MUC5B: variants seen among roughly 807,000 people sequenced by gnomAD.
MUC5B encodes the protein mucin-5B.
MUC5B carries 116 observed loss-of-function variants against 376.9 expected under a neutral mutation model. That is an observed-to-expected ratio of 0.31 (90% CI 0.26 to 0.36). MUC5B has a LOEUF of 0.36. Ranked by LOEUF, MUC5B falls within the 10% of genes least tolerant of loss-of-function variation. The probability of loss-of-function intolerance (pLI) is 1.00; values close to 1 mark genes in which losing one functional copy is unlikely to be tolerated. For missense variants in MUC5B, 7,165 were observed against 7,769.9 expected (o/e 0.92, Z 2.93); for synonymous variants, 3,517 against 3,390.9 (o/e 1.04, Z -1.29).
At chr11:1,260,536 G>C (rs377480751) in intron 47 of MUC5B, 90 bp from the exon 48 acceptor site, 1 of 1,445,126 alleles carries the variant, frequency 6.9e-7, no homozygotes. Flanking sequence ...CCATGGGAGG[G>C]GTGGTCCCAT....
rs762488981 is a variant in MUC5B at position 1,250,095 on chromosome 11, T to G, written c.13215T>G (p.Thr4405=). Reference sequence around the variant, plus strand: ...CAGCAGCCACTACAACTGCAGCCACTGGCCCCACGGCCACCCCGTCCTCCA... The same window carrying G: ...CAGCAGCCACTACAACTGCAGCCACGGGCCCCACGGCCACCCCGTCCTCCA... ...LTTAATTTAA[T]GPTATPSSTP... Residue 4405 remains threonine, a synonymous_variant, in exon 31 of 49, where the codon ACT becomes ACG. Coordinates refer to ENST00000529681, the MANE Select transcript of MUC5B (RefSeq NM_002458.3). 1.3e-6 allele frequency: 2 copies of G among 1,593,138 alleles called. No homozygotes were observed. Among genetic ancestry groups the G allele is most frequent in the Non-Finnish European group, 8.6e-7 (1 of 1,169,166 alleles).
chr11:1,233,696 T>G, intron 18 of MUC5B, 97 bp from the exon 19 acceptor site: 2 of 1,239,578 alleles, frequency 1.6e-6, no homozygotes. Context: ...GTGGCCAGGC[T>G]GGGGAGGCCC....
rs1862893316 is a variant in MUC5B at position 1,258,131 on chromosome 11, C to A, written c.16483C>A (p.Pro5495Thr). The change falls in exon 42 of 49, where the codon CCT becomes ACT. Residue 5495 changes from proline to threonine, a missense_variant. Pro to Thr is a conservative substitution (Grantham distance 38, BLOSUM62 -1). Around this residue, in one of 31 missense-constraint regions of MUC5B, gnomAD observed 842 missense variants for 1,016.9 expected, o/e 0.83. Transcript: ENST00000529681. The surrounding 1 kb of genome is among the most constrained non-coding windows in gnomAD (Gnocchi z 5.5). ...CNTTTCPQSL[P>T]VCPPGQESIC... is the part of the protein sequence containing the mutation. ...CACAACCACCTGCCCCCAGAGCCTG[C>A]CTGTGTGCCCGCCAGGGCAGGAGTC... is the stretch of plus-strand genomic sequence containing the variant. 6.3e-7 allele frequency: 1 copy of A among 1,597,334 alleles called. No homozygotes were observed. Among genetic ancestry groups the A allele is most frequent in the African/African-American group, 1.3e-5 (1 of 74,798 alleles).
chr11:1,257,207 A>C lies in MUC5B; in HGVS notation c.16238-33A>C, dbSNP rs1590192663. 2 of 779,374 alleles carry C rather than the reference A, an allele frequency of 2.6e-6. No homozygotes were observed. The highest frequency in any genetic ancestry group is 2.4e-6 in the Non-Finnish European group (1 of 417,906). 48.3% of individuals were successfully genotyped at this position (779,374 alleles called of 1,614,324 possible). ...AGGCCCCTCCGCCTGCAAACTCAGC[A>C]CCCTCCGTGATGCCATGCTGTTTTC... On this transcript the variant is annotated intron_variant, in intron 39 of 48. Coordinates refer to ENST00000529681, the MANE Select transcript of MUC5B (RefSeq NM_002458.3). This position sits in a 1 kb window ranked among gnomAD's most constrained non-coding sequence, Gnocchi z 8.9.
chr11:1,245,910 C>A lies in MUC5B; in HGVS notation c.9030C>A (p.Ala3010=), dbSNP rs371259202. The A allele has an allele frequency of 1.7e-5, 27 of 1,613,142 alleles. 1 individual carries two copies. The African/African-American group carries it at 3.6e-4, about 22-fold the overall frequency. The change falls in exon 31 of 49, where the codon GCC becomes GCA. Residue 3010 remains alanine, a synonymous_variant. Coordinates refer to ENST00000529681, the MANE Select transcript of MUC5B (RefSeq NM_002458.3). ...CGACCGCAACCACTGGATCCACGGC[C>A]ATCCCGTCCTCCACCCCGGGAACAG... ...ATTTATTGST[A]IPSSTPGTAP... is the part of the protein sequence containing the mutation.
At position 1,249,538 on chromosome 11, in the gene MUC5B, G is replaced by T. The variant is rs1268811181; in HGVS notation, c.12658G>T (p.Val4220Leu). 1 of 1,612,514 alleles carries T rather than the reference G, an allele frequency of 6.2e-7. No individual in the cohort carries two copies. The highest frequency in any genetic ancestry group is 8.5e-7 in the Non-Finnish European group (1 of 1,179,638). ...FKMCFNYEIR[V>L]FCCNYGHCPS... ...GATGTGCTTCAACTATGAAATCCGT[G>T]TGTTCTGCTGCAACTACGGCCACTG... Residue 4220 changes from valine (V) to leucine (L), a missense_variant, in exon 31 of 49, where the codon GTG becomes TTG. Coordinates refer to ENST00000529681, the MANE Select transcript of MUC5B (RefSeq NM_002458.3).
chr11:1,259,207 G>T, intron 44 of MUC5B, 146 bp downstream of exon 44: 2 of 716,088 alleles, frequency 2.8e-6, no homozygotes, highest in Non-Finnish European at 4.4e-6. Flanking sequence ...AGTCCCTGAG[G>T]CACTTGCCCC....
intron 44 of MUC5B, chr11:1,259,427 T>G: frequency 4.1e-6 from 2 of 487,390 alleles, no homozygotes; most frequent in Non-Finnish European, 7.5e-6. Context: ...AGCTCAGCCA[T>G]TGCTGGGGTC....
At position 1,252,451 on chromosome 11, in the gene MUC5B, C is replaced by A; in HGVS notation, c.14972C>A (p.Pro4991Gln). The stretch of plus-strand genomic sequence containing the variant: ...CAGGGCGCCTGTCCCACCTCCCCAC[C>A]GCCAGTGTCCTCCGCCCCGCTGTCC... The part of the protein sequence containing the change: ...RFQGACPTSP[P>Q]PVSSAPLSSP... Residue 4991 changes from proline to glutamine, a missense_variant, in exon 32 of 49, where the codon CCG becomes CAG. Around this residue, in one of 31 missense-constraint regions of MUC5B, gnomAD observed 730 missense variants for 592.7 expected, o/e 1.23. Coordinates refer to ENST00000529681, the MANE Select transcript of MUC5B (RefSeq NM_002458.3). 1 of 1,610,260 alleles carries A rather than the reference C, an allele frequency of 6.2e-7. No homozygotes were observed. The highest frequency in any genetic ancestry group is 1.1e-5 in the South Asian group (1 of 90,718).
In MUC5B at chr11:1,232,694, C is replaced by T. The variant is rs181258480; in HGVS notation, c.1989C>T (p.Cys663=). 702 of 1,598,850 alleles carry T rather than the reference C, an allele frequency of 4.4e-4. 7 individuals carry two copies. The African/African-American group carries it at 8.2e-3, about 19-fold the overall frequency. The change falls in exon 17 of 49, where the codon TGC becomes TGT. Residue 663 remains cysteine, a synonymous_variant. Coordinates refer to ENST00000529681, the MANE Select transcript of MUC5B (RefSeq NM_002458.3). ...GTGAGCGGAGCGAGGACTGCCTGTGCGCCGCGCTGTCCTCCTATGTGCACG... is the reference window on the plus strand; with the variant it reads ...GTGAGCGGAGCGAGGACTGCCTGTGTGCCGCGCTGTCCTCCTATGTGCACG... ...CNCERSEDCL[C]AALSSYVHAC...
intron 10 of MUC5B, 32 bp downstream of exon 10, chr11:1,229,839 G>A (rs1282058054): frequency 3.2e-6 from 5 of 1,562,766 alleles, no homozygotes; most frequent in Non-Finnish European, 4.3e-6. Context: ...TCCGCCTGGG[G>A]TGGGGTGTGG....
Position 1,251,344 on chromosome 11 carries a change from C to G in MUC5B, c.14464C>G (p.Leu4822Val), listed in dbSNP as rs1456697173. ...TLGTTRILTE[L>V]TTTATTTAAT... ...GGGGACGACCCGGATCCTCACTGAG[C>G]TGACCACAACAGCCACTACAACTGC... The change falls in exon 31 of 49, where the codon CTG becomes GTG. Residue 4822 changes from leucine (L) to valine (V), a missense_variant. Physicochemically the swap from Leu to Val is conservative, Grantham distance 32. Transcript: ENST00000529681. 1.9e-6 allele frequency: 3 copies of G among 1,611,042 alleles called. No individual in the cohort carries two copies. Among genetic ancestry groups the G allele is most frequent in the Non-Finnish European group, 2.5e-6 (3 of 1,178,240 alleles).
At chr11:1,226,568 C>T (rs150068245) in intron 3 of MUC5B, 47 bp from the exon 4 acceptor site, 27,140 of 1,571,884 alleles carry the variant, frequency 0.017, 375 homozygotes, top group South Asian at 0.046. Context: ...GAGGCTACCC[C>T]GTGGGGGGCT....
Position 1,231,503 on chromosome 11 carries a change from G to A in MUC5B, c.1621G>A (p.Val541Met). ...GGGGCTGCAGCTGCTGGTGCAGCTG[G>A]TGCCACTCATGCAGGTGTTTGTCAG... ...GLGLQLLVQL[V>M]PLMQVFVRLD... The change falls in exon 14 of 49, where the codon GTG becomes ATG. Residue 541 changes from valine (V) to methionine (M), a missense_variant. By Grantham distance (21) the Val-to-Met change is conservative (BLOSUM62 1). This residue lies in a region of MUC5B where 640 missense variants were observed against 733.0 expected (regional missense o/e 0.87). Coordinates refer to ENST00000529681, the MANE Select transcript of MUC5B (RefSeq NM_002458.3). 1 of 1,606,974 alleles carries A rather than the reference G, an allele frequency of 6.2e-7. No individual in the cohort carries two copies. The highest frequency in any genetic ancestry group is 1.1e-5 in the South Asian group (1 of 90,110).
At position 1,255,404 on chromosome 11, in the gene MUC5B, C is replaced by T; in HGVS notation, c.15912C>T (p.Asn5304=). 6.2e-7 allele frequency: 1 copy of T among 1,602,370 alleles called. No homozygotes were observed. Among genetic ancestry groups the T allele is most frequent in the Non-Finnish European group, 8.5e-7 (1 of 1,174,422 alleles). The change falls in exon 37 of 49, where the codon AAC becomes AAT. Residue 5304 remains asparagine (N), a synonymous_variant. Coordinates refer to ENST00000529681, the MANE Select transcript of MUC5B (RefSeq NM_002458.3). ...MLSQVFAECH[N]LVPPGPFFNA... is the part of the protein sequence containing the mutation. ...ACAGGGTCTTTGCTGAGTGCCACAACCTTGTGCCCCCGGGCCCATTCTTCA... is the reference window on the plus strand; with the variant it reads ...ACAGGGTCTTTGCTGAGTGCCACAATCTTGTGCCCCCGGGCCCATTCTTCA...
Position 1,232,628 on chromosome 11 carries a change from C to T in MUC5B, c.1939-16C>T. 6.2e-7 allele frequency: 1 copy of T among 1,600,462 alleles called. No individual in the cohort carries two copies. On this transcript the variant is annotated splice_polypyrimidine_tract_variant and intron_variant, in intron 16 of 48. Coordinates refer to ENST00000529681, the MANE Select transcript of MUC5B (RefSeq NM_002458.3). Reference sequence around the variant, plus strand: ...GGCTGGGGTCCCTGACGCCCCGATGCCTCCCACCTCCGCAGAACTGCATGT... The same window carrying T: ...GGCTGGGGTCCCTGACGCCCCGATGTCTCCCACCTCCGCAGAACTGCATGT...
chr11:1,260,513 C>G, intron 47 of MUC5B, 113 bp from the exon 48 acceptor site: 1 of 1,466,110 alleles, frequency 6.8e-7, no homozygotes. Context: ...ACTCCACCCT[C>G]GGTCCTGGAG....
At position 1,252,446 on chromosome 11, in the gene MUC5B, C is replaced by T. The variant is rs1454348902; in HGVS notation, c.14967C>T (p.Ser4989=). ...GCTTCCAGGGCGCCTGTCCCACCTC[C>T]CCACCGCCAGTGTCCTCCGCCCCGC... The part of the protein sequence containing the change: ...IDRFQGACPT[S]PPPVSSAPLS... Residue 4989 remains serine (S), a synonymous_variant, in exon 32 of 49, where the codon TCC becomes TCT. Coordinates refer to ENST00000529681, the MANE Select transcript of MUC5B (RefSeq NM_002458.3). 1 of 1,610,672 alleles carries T rather than the reference C, an allele frequency of 6.2e-7. No homozygotes were observed. Among genetic ancestry groups the T allele is most frequent in the East Asian group, 2.2e-5 (1 of 44,878 alleles).
chr11:1,250,622 C>A lies in MUC5B; in HGVS notation c.13742C>A (p.Pro4581His), dbSNP rs756321948. ...GGGGCCACCGGCTCTGTGGCCACCC[C>A]CTCCTCCACCCCAGGAACAGCTCAC... Reference protein sequence around the residue: ...TTGATGSVATPSSTPGTAHTT... With the variant: ...TTGATGSVATHSSTPGTAHTT... The change falls in exon 31 of 49, where the codon CCC becomes CAC. Residue 4581 changes from proline to histidine, a missense_variant. Physicochemically the swap from Pro to His is moderately conservative, Grantham distance 77 (BLOSUM62 -2). Transcript: ENST00000529681. 3.7e-6 allele frequency: 6 copies of A among 1,612,726 alleles called. No homozygotes were observed. The highest frequency in any genetic ancestry group is 5.1e-6 in the Non-Finnish European group (6 of 1,179,084).
Sources: gnomAD v4.1 joint callset for allele counts on GRCh38, gnomAD v4.1.1 for gene constraint, gnomAD v4.1.1 regional missense constraint, Gnocchi (gnomAD v3.1) non-coding constraint, MANE v1.5 for transcripts, NCBI Gene and HGNC (gene_info 2026-07-23, HGNC 2026-07-21) for gene names.